The following CNTN5 variants were observed in gnomAD, a reference collection of about 807,000 sequenced individuals.
CNTN5 encodes contactin 5, also known as contactin-5.
Under a neutral mutation model 129.1 loss-of-function variants are expected in CNTN5, and 77 were observed. The ratio of observed to expected loss-of-function variants is 0.60; its 90% CI spans 0.50 to 0.72. The LOEUF is 0.72. Ranked by LOEUF, CNTN5 falls within the 30% of genes least tolerant of loss-of-function variation. The pLI, the probability that CNTN5 is intolerant of heterozygous loss-of-function variation, is 0.00. For synonymous variants in CNTN5, 509 were observed against 465.6 expected (o/e 1.09, Z -1.20); for missense variants, 1,478 against 1,328.8 (o/e 1.11, Z -1.75).
chr11:99,292,640 A>G (rs1478671058), intron 1 of CNTN5, among the ~76,000 whole-genome samples: 1 of 151,828 alleles, frequency 6.6e-6, no homozygotes, highest in Non-Finnish European at 1.5e-5. Context: ...GTCAAGCAAA[A>G]CTCTTTTTAA....
intron 1 of CNTN5, among the ~76,000 whole-genome samples, chr11:99,058,102 G>T (rs77665705): frequency 6.6e-6 from 1 of 151,820 alleles, no homozygotes; most frequent in Non-Finnish European, 1.5e-5. Context: ...AAGGGATGAC[G>T]ACAGAAAGAA....
At chr11:99,881,428 G>C (rs1948768868) in intron 6 of CNTN5, among the ~76,000 whole-genome samples, 1 of 152,122 alleles carries the variant, frequency 6.6e-6, no homozygotes, top group South Asian at 2.1e-4. Context: ...ATTTTACATG[G>C]GGAATGTATG....
At chr11:99,433,095 T>C (rs1171125540) in intron 2 of CNTN5, among the ~76,000 whole-genome samples, 1 of 151,650 alleles carries the variant, frequency 6.6e-6, no homozygotes, top group Non-Finnish European at 1.5e-5. Context: ...GATGGAAATC[T>C]GAAATTTTGA....
At chr11:100,327,130 G>A (rs974766050) in intron 21 of CNTN5, among the ~76,000 whole-genome samples, 17 of 152,210 alleles carry the variant, frequency 1.1e-4, no homozygotes, top group Admixed American at 1.3e-4. Flanking sequence ...ACTTGATACC[G>A]CTGTGTGTAT....
At chr11:99,490,254 C>G (rs1215488767) in intron 2 of CNTN5, among the ~76,000 whole-genome samples, 2 of 152,010 alleles carry the variant, frequency 1.3e-5, no homozygotes, top group South Asian at 4.1e-4. Flanking sequence ...CAATTTTGAC[C>G]AACTCAAGAA....
At chr11:99,903,539 G>C (rs543901974) in intron 6 of CNTN5, among the ~76,000 whole-genome samples, 1 of 152,126 alleles carries the variant, frequency 6.6e-6, no homozygotes, top group East Asian at 2.0e-4. Flanking sequence ...TTTCTCATTG[G>C]ATATGTGGAA....
intron 4 of CNTN5, among the ~76,000 whole-genome samples, chr11:99,834,774 G>A (rs1474779683): frequency 6.6e-6 from 1 of 152,050 alleles, no homozygotes; most frequent in African/African-American, 2.4e-5. Flanking sequence ...TTACTACTAA[G>A]GCTCAGGGAT....
intron 3 of CNTN5, among the ~76,000 whole-genome samples, chr11:99,761,309 A>G (rs1346052873): frequency 2.0e-5 from 3 of 152,088 alleles, no homozygotes; most frequent in African/African-American, 7.2e-5. Flanking sequence ...GTACGTGTGC[A>G]CATTGTGCAG....
chr11:100,351,550 C>G (rs1286077131), intron 24 of CNTN5, among the ~76,000 whole-genome samples: 1 of 150,334 alleles, frequency 6.7e-6, no homozygotes, highest in African/African-American at 2.4e-5. Flanking sequence ...GTCTCCAAAA[C>G]CACATATCTC....
chr11:99,484,095 A>G (rs1289571953), intron 2 of CNTN5, among the ~76,000 whole-genome samples: 2 of 152,176 alleles, frequency 1.3e-5, no homozygotes, highest in African/African-American at 4.8e-5. Context: ...CAACAAAGGA[A>G]ACGGTCAATA....
chr11:99,225,332 C>CAA (rs1369725043), intron 1 of CNTN5, among the ~76,000 whole-genome samples: 1 of 152,026 alleles, frequency 6.6e-6, no homozygotes, highest in East Asian at 1.9e-4. Context: ...GCATGGTTAC[C>CAA]GCTGGAAAGG....
intron 2 of CNTN5, among the ~76,000 whole-genome samples, chr11:99,513,199 A>G (rs951834592): frequency 6.6e-6 from 1 of 152,202 alleles, no homozygotes; most frequent in Non-Finnish European, 1.5e-5. Context: ...TACAGAGAAA[A>G]GCCCTTACTC....
At chr11:99,935,843 C>A (rs551659180) in intron 7 of CNTN5, among the ~76,000 whole-genome samples, 1 of 152,084 alleles carries the variant, frequency 6.6e-6, no homozygotes, top group Non-Finnish European at 1.5e-5. Context: ...TTTAAGTTGC[C>A]AGACTACTAG....
In CNTN5 at chr11:100,182,817, G is replaced by GT. The variant is rs559752647; in HGVS notation, c.1581-8304dup. Reference sequence around the variant, plus strand: ...TTAAACTTCAACATGAGGAATTTCTGTTTTTGGAAAAACATTGAGAAATGC... The same window carrying GT: ...TTAAACTTCAACATGAGGAATTTCTGTTTTTTGGAAAAACATTGAGAAATGC... On this transcript the variant is annotated intron_variant, in intron 13 of 24. Transcript: ENST00000524871. 2.1e-3 allele frequency among the ~76,000 whole-genome samples: 324 copies of GT among 151,916 alleles called. 2 individuals carry two copies. The highest frequency in any genetic ancestry group is 7.4e-3 in the African/African-American group (308 of 41,474).
chr11:99,410,020 G>A (rs530742860), intron 2 of CNTN5, among the ~76,000 whole-genome samples: 1 of 152,274 alleles, frequency 6.6e-6, no homozygotes, highest in South Asian at 2.1e-4. Flanking sequence ...AAGTTTCTGG[G>A]AGTTATAAGG....
intron 1 of CNTN5, among the ~76,000 whole-genome samples, chr11:99,294,337 A>G (rs951954631): frequency 6.6e-6 from 1 of 152,228 alleles, no homozygotes; most frequent in African/African-American, 2.4e-5. Context: ...ATACTAACTC[A>G]GTGTAAATAG....
At chr11:100,026,891 A>G (rs1405851102) in intron 9 of CNTN5, among the ~76,000 whole-genome samples, 3 of 152,098 alleles carry the variant, frequency 2.0e-5, no homozygotes, top group Non-Finnish European at 2.9e-5. Flanking sequence ...GAAGTCCAAC[A>G]TATCAATTTG....
chr11:99,545,508 A>G (rs1242479860), intron 2 of CNTN5, among the ~76,000 whole-genome samples: 1 of 152,242 alleles, frequency 6.6e-6, no homozygotes, highest in Non-Finnish European at 1.5e-5. Context: ...TTTAAATAAC[A>G]GAGTAAATAT....
chr11:99,954,768 T>C (rs1950758814), intron 7 of CNTN5, among the ~76,000 whole-genome samples: 1 of 152,198 alleles, frequency 6.6e-6, no homozygotes, highest in Non-Finnish European at 1.5e-5. Flanking sequence ...GAAAATCCAC[T>C]GCAAACTCAG....
Sources: allele counts gnomAD v4.1 joint callset (sites outside exome capture counted in the v4.1 genomes callset), GRCh38; gene constraint gnomAD v4.1.1; transcripts MANE v1.5; gene names NCBI Gene and HGNC (gene_info 2026-07-23, HGNC 2026-07-21).